Variants in DIP2C observed in about 807,000 individuals in gnomAD.
The protein encoded by DIP2C is disco-interacting protein 2 homolog C.
In DIP2C, 33 loss-of-function variants were observed where a neutral mutation model predicts 192.4. The observed-to-expected ratio is 0.17, with a 90% CI of 0.13 to 0.23. DIP2C has a LOEUF of 0.23. DIP2C is among the 10% of genes least tolerant of loss of function. The pLI is 1.00. For synonymous variants in DIP2C, 979 were observed against 864.1 expected (o/e 1.13, Z -2.33); for missense variants, 1,537 against 2,110.1 (o/e 0.73, Z 5.32).
chr10:372,858 T>TC (rs1431007063), intron 17 of DIP2C, among the ~76,000 whole-genome samples: 5 of 151,578 alleles, frequency 3.3e-5, no homozygotes, highest in South Asian at 2.1e-4. Flanking sequence ...CAGCCCCACC[T>TC]CCCCACAGAC....
rs758637172 is a variant in DIP2C, at chr10:364,472, C to G, written c.2379G>C (p.Met793Ile). 6.2e-7 allele frequency: 1 copy of G among 1,614,210 alleles called. No homozygotes were observed. The highest frequency in any genetic ancestry group is 8.5e-7 in the Non-Finnish European group (1 of 1,180,042). Reference sequence around the variant, plus strand: ...GCCCGCTGACCACCATGAGGCCATCCATCTTGCCCACCACGAAGACGAGGC... The same window carrying G: ...GCCCGCTGACCACCATGAGGCCATCGATCTTGCCCACCACGAAGACGAGGC... ...PGGLVFVVGK[M>I]DGLMVVSGRR... is the part of the protein sequence containing the mutation. Residue 793 changes from methionine to isoleucine, a missense_variant, in exon 20 of 37, where the codon ATG (methionine) becomes ATC (isoleucine). By Grantham distance (10) the Met-to-Ile change is conservative. Coordinates refer to ENST00000280886, the MANE Select transcript of DIP2C (RefSeq NM_014974.3).
In DIP2C at chr10:647,406, G is replaced by A. The variant is rs548710910; in HGVS notation, c.85+42088C>T. Among the ~76,000 whole-genome samples, 8 of 152,166 alleles carry A rather than the reference G, an allele frequency of 5.3e-5. No homozygotes were observed. In the East Asian group the frequency reaches 1.6e-3, roughly 30 times the overall value. On this transcript the variant is annotated intron_variant, in intron 1 of 36. Transcript: ENST00000280886. ...TGAGTCCACGTCCACATTGGATGGT[G>A]GGAGAGAACAGAGCGAAATTGAGTC...
intron 1 of DIP2C, among the ~76,000 whole-genome samples, chr10:512,055 C>T (rs925707876): frequency 6.6e-6 from 1 of 152,176 alleles, no homozygotes; most frequent in Non-Finnish European, 1.5e-5. Flanking sequence ...CACAGACGGC[C>T]GTTCCCAGTG....
At chr10:379,662 A>T (rs961188197) in intron 17 of DIP2C, among the ~76,000 whole-genome samples, 1 of 152,228 alleles carries the variant, frequency 6.6e-6, no homozygotes, top group East Asian at 1.9e-4. Flanking sequence ...TATTCCAGAG[A>T]GGGCCAAAAT....
intron 29 of DIP2C, among the ~76,000 whole-genome samples, chr10:340,317 T>G (rs566314680): frequency 2.4e-3 from 369 of 152,244 alleles, no homozygotes; most frequent in African/African-American, 8.1e-3. Flanking sequence ...TGAGTGAAAT[T>G]ATTTTTATGT....
chr10:684,626 G>A (rs1406476508), intron 1 of DIP2C, among the ~76,000 whole-genome samples: 1 of 152,154 alleles, frequency 6.6e-6, no homozygotes, highest in African/African-American at 2.4e-5. Context: ...GAACCTCCAA[G>A]AAATGCACAG....
intron 35 of DIP2C, chr10:281,951 C>T (rs764306154): frequency 1.3e-5 from 2 of 152,180 alleles, no homozygotes; most frequent in Non-Finnish European, 2.9e-5. Flanking sequence ...GAAATATGTC[C>T]TAAATTTTTA....
intron 1 of DIP2C, among the ~76,000 whole-genome samples, chr10:680,010 C>T (rs1831074354): frequency 6.6e-6 from 1 of 152,140 alleles, no homozygotes; most frequent in African/African-American, 2.4e-5. Flanking sequence ...GTTTATTAGC[C>T]CCATTCAACA....
rs1956823173 is a variant in DIP2C at position 317,462 on chromosome 10, CTTTAG to C, written c.3925-7375_3925-7371del. On this transcript the variant is annotated intron_variant, in intron 31 of 36. Coordinates refer to ENST00000280886, the MANE Select transcript of DIP2C (RefSeq NM_014974.3). The stretch of plus-strand genomic sequence containing the variant: ...ACTTTAGAGAGAGGGCGTGGGAAGG[CTTTAG>C]TTTAGGGGCTGCCAAGCCACAGAGC... 1.3e-5 allele frequency among the ~76,000 whole-genome samples: 2 copies of C among 152,316 alleles called. 1 individual carries two copies. Among genetic ancestry groups the C allele is most frequent in the Admixed American group, 1.3e-4 (2 of 15,302 alleles).
At chr10:348,807 T>TA (rs1414196817) in intron 25 of DIP2C, 45 bp from the exon 26 acceptor site, 1 of 1,608,112 alleles carries the variant, frequency 6.2e-7, no homozygotes, top group Admixed American at 1.7e-5. Context: ...ACCACGCTGC[T>TA]GAGTGCACAC....
chr10:600,746 A>G (rs1239875610), intron 1 of DIP2C, among the ~76,000 whole-genome samples: 2 of 152,196 alleles, frequency 1.3e-5, no homozygotes, highest in Non-Finnish European at 2.9e-5. Context: ...CATTCTCCAA[A>G]CTATTCAGTG....
At chr10:301,564 A>G (rs537972255) in intron 32 of DIP2C, among the ~76,000 whole-genome samples, 1 of 152,346 alleles carries the variant, frequency 6.6e-6, no homozygotes, top group South Asian at 2.1e-4. Flanking sequence ...AGAGAATGGG[A>G]TGTAAAGACT....
intron 31 of DIP2C, among the ~76,000 whole-genome samples, chr10:319,505 T>A (rs1956915899): frequency 6.6e-6 from 1 of 152,206 alleles, no homozygotes; most frequent in South Asian, 2.1e-4. Context: ...GAGGATGCAA[T>A]TTTTCTGTTA....
intron 1 of DIP2C, chr10:628,769 G>C (rs561460508): frequency 3.5e-4 from 53 of 152,528 alleles, no homozygotes; most frequent in African/African-American, 1.2e-3. Flanking sequence ...TGGCCTCGGG[G>C]AACCGGAAGC....
intron 2 of DIP2C, among the ~76,000 whole-genome samples, chr10:479,899 C>T (rs915791096): frequency 2.0e-5 from 3 of 151,342 alleles, no homozygotes; most frequent in Non-Finnish European, 4.4e-5. Flanking sequence ...GAGTGTCATC[C>T]GCCAGCCTGA....
At chr10:321,442 T>C (rs890362485) in intron 31 of DIP2C, among the ~76,000 whole-genome samples, 1 of 152,188 alleles carries the variant, frequency 6.6e-6, no homozygotes, top group Non-Finnish European at 1.5e-5. Flanking sequence ...TGTTCTTTGC[T>C]GAGTTTGCTC....
chr10:656,655 A>G (rs1380142441), intron 1 of DIP2C, among the ~76,000 whole-genome samples: 1 of 152,152 alleles, frequency 6.6e-6, no homozygotes, highest in Non-Finnish European at 1.5e-5. Context: ...TGAAAAGATG[A>G]GTGAGGTCCC....
chr10:346,215 T>G (rs1379135587), intron 26 of DIP2C, among the ~76,000 whole-genome samples: 1 of 10,624 alleles, frequency 9.4e-5, no homozygotes, highest in African/African-American at 3.5e-4. Flanking sequence ...AACCCCACAC[T>G]CACCCAACCC....
intron 6 of DIP2C, among the ~76,000 whole-genome samples, chr10:416,127 T>C (rs2133111687): frequency 6.6e-6 from 1 of 152,118 alleles, no homozygotes; most frequent in Middle Eastern, 3.4e-3. Flanking sequence ...GCTGTTCTGC[T>C]GGTCATGCTG....
Sources: allele counts gnomAD v4.1 joint callset (sites outside exome capture counted in the v4.1 genomes callset), GRCh38; gene constraint gnomAD v4.1.1; transcripts MANE v1.5; gene names NCBI Gene and HGNC (gene_info 2026-07-23, HGNC 2026-07-21).